The following LGR5 variants were observed in gnomAD, a reference collection of about 807,000 sequenced individuals.
The protein encoded by LGR5 is leucine-rich repeat-containing G protein-coupled receptor 5.
LGR5 carries 54 observed loss-of-function variants against 76.7 expected under a neutral mutation model. That is an observed-to-expected ratio of 0.70 (90% CI 0.57 to 0.88). The LOEUF is 0.88. Ranked by LOEUF, LGR5 falls within the 40% of genes least tolerant of loss-of-function variation. The probability of loss-of-function intolerance (pLI) is 0.00; values close to 1 mark genes in which losing one functional copy is unlikely to be tolerated. For synonymous variants in LGR5, 406 were observed against 421.9 expected, an observed-to-expected ratio of 0.96 and a Z score of 0.46; for missense variants, 1,078 against 1,073.3, an observed-to-expected ratio of 1.00 and a Z score of -0.06.
At chr12:71,542,499 G>C (rs1280617344) in intron 4 of LGR5, among the ~76,000 whole-genome samples, 1 of 152,130 alleles carries the variant, frequency 6.6e-6, no homozygotes, top group African/African-American at 2.4e-5. Flanking sequence ...GCAGGTGGGG[G>C]TACTCAGATC....
intron 1 of LGR5, among the ~76,000 whole-genome samples, chr12:71,486,696 G>C (rs1851352357): frequency 6.6e-6 from 1 of 152,184 alleles, no homozygotes; most frequent in East Asian, 1.9e-4. Flanking sequence ...TTATTTTGGA[G>C]TGCCACTGAG....
At chr12:71,469,510 G>A (rs147105860) in intron 1 of LGR5, among the ~76,000 whole-genome samples, 1 of 152,350 alleles carries the variant, frequency 6.6e-6, no homozygotes, top group Non-Finnish European at 1.5e-5. Context: ...AGCACGCTCT[G>A]GCCTTGTTTG....
chr12:71,462,225 C>T (rs1326118123), intron 1 of LGR5, among the ~76,000 whole-genome samples: 1 of 152,152 alleles, frequency 6.6e-6, no homozygotes, highest in African/African-American at 2.4e-5. Flanking sequence ...CACCTCAAGT[C>T]ATACCCAGCT....
At position 71,572,858 on chromosome 12, in the gene LGR5, G is replaced by C; in HGVS notation, c.1145G>C (p.Arg382Thr). Reference protein sequence around the residue: ...VCQKLQKIDLRHNEIYEIKVD... With the variant: ...VCQKLQKIDLTHNEIYEIKVD... ...GAACCCTGTCATTTCAGTGACCTAAGACATAATGAAATCTACGAAATTAAA... is the reference window on the plus strand; with the variant it reads ...GAACCCTGTCATTTCAGTGACCTAACACATAATGAAATCTACGAAATTAAA... Residue 382 changes from arginine (R) to threonine (T), a missense_variant, in exon 13 of 18, where the codon AGA becomes ACA. Arg to Thr is a moderately conservative substitution (Grantham distance 71). Transcript: ENST00000266674. 6.2e-7 allele frequency: 1 copy of C among 1,613,216 alleles called. No homozygotes were observed. Among genetic ancestry groups the C allele is most frequent in the Non-Finnish European group, 8.5e-7 (1 of 1,179,264 alleles).
At chr12:71,558,196 C>T (rs774648120) in intron 6 of LGR5, among the ~76,000 whole-genome samples, 12 of 152,194 alleles carry the variant, frequency 7.9e-5, no homozygotes, top group Non-Finnish European at 1.6e-4. Flanking sequence ...ATCTACAAAA[C>T]GCTGGGCTCA....
intron 1 of LGR5, among the ~76,000 whole-genome samples, chr12:71,445,852 T>C (rs1184375659): frequency 6.6e-6 from 1 of 152,230 alleles, no homozygotes; most frequent in Non-Finnish European, 1.5e-5. Context: ...TATCCTCATG[T>C]ATTACTTCTC....
In LGR5 at chr12:71,585,692, C is replaced by T. The variant is rs1879290758; in HGVS notation, c.*958C>T. The T allele has an allele frequency of 6.6e-6, 1 of 152,224 alleles. No homozygotes were observed. The highest frequency in any genetic ancestry group is 1.5e-5 in the Non-Finnish European group (1 of 68,040). The allele number at this position is 152,224 out of a possible 1,614,324, so 9.4% of individuals were successfully genotyped here. On this transcript the variant is annotated 3_prime_UTR_variant, in exon 18 of 18. Transcript: ENST00000266674. ...TAAATTAAGTCCACTGATACAACTT[C>T]TTACACATGTATCTCTAGTAGCTCT...
At chr12:71,578,060 T>G in intron 14 of LGR5, 64 bp downstream of exon 14, 1 of 1,309,142 alleles carries the variant, frequency 7.6e-7, no homozygotes, top group Non-Finnish European at 1.1e-6. Flanking sequence ...TAGTTAATTT[T>G]AAAAGTTGGT....
rs555788448 is a variant in LGR5, at chr12:71,578,729, GGTT to G, written c.1281-68_1281-66del. On this transcript the variant is annotated intron_variant, in intron 14 of 17. Transcript: ENST00000266674. ...TTATTGAGTAGTTTAACGATCTTTA[GGTT>G]GTTGTTTTTTTTAACATAAACGTTT... is the stretch of plus-strand genomic sequence containing the variant. 7.7e-4 allele frequency: 1,091 copies of G among 1,412,776 alleles called. 11 individuals are homozygous for G. In the East Asian group the frequency reaches 0.02, roughly 27 times the overall value. 87.5% of individuals were successfully genotyped at this position (1,412,776 alleles called of 1,614,324 possible). A position where few individuals can be genotyped will look rare whatever the true frequency, so the allele number is the denominator to read the frequency against.
chr12:71,493,745 G>T (rs1421270419), intron 1 of LGR5, among the ~76,000 whole-genome samples: 1 of 145,638 alleles, frequency 6.9e-6, no homozygotes, highest in Non-Finnish European at 1.5e-5. Flanking sequence ...CTTTTCAGTT[G>T]TCTTATTTGA....
At chr12:71,509,869 G>A (rs981158779) in intron 2 of LGR5, among the ~76,000 whole-genome samples, 2 of 152,150 alleles carry the variant, frequency 1.3e-5, no homozygotes, top group African/African-American at 4.8e-5. Context: ...CCCTGGAACC[G>A]TTTGCTCATA....
chr12:71,531,621 A>T (rs1305496219), intron 3 of LGR5, among the ~76,000 whole-genome samples: 1 of 152,202 alleles, frequency 6.6e-6, no homozygotes, highest in Non-Finnish European at 1.5e-5. Flanking sequence ...TAATCCCAGC[A>T]CTTTGGAAGG....
intron 3 of LGR5, among the ~76,000 whole-genome samples, chr12:71,526,372 T>C (rs1213620823): frequency 1.3e-5 from 2 of 152,172 alleles, no homozygotes; most frequent in Admixed American, 1.3e-4. Flanking sequence ...TGGATTAATA[T>C]GATTCAAAAA....
chr12:71,453,245 G>T (rs1307476529), intron 1 of LGR5, among the ~76,000 whole-genome samples: 1 of 152,152 alleles, frequency 6.6e-6, no homozygotes, highest in Non-Finnish European at 1.5e-5. Flanking sequence ...GTATCAAATA[G>T]ACAAAAGATT....
chr12:71,496,839 T>C (rs1261696465), intron 1 of LGR5, among the ~76,000 whole-genome samples: 2 of 152,190 alleles, frequency 1.3e-5, no homozygotes, highest in Non-Finnish European at 2.9e-5. Context: ...AAAATGTCTA[T>C]AAATGATTTC....
chr12:71,503,602 A>C (rs1874710373), intron 1 of LGR5, among the ~76,000 whole-genome samples: 1 of 152,208 alleles, frequency 6.6e-6, no homozygotes, highest in African/African-American at 2.4e-5. Context: ...GGTGCAATGG[A>C]TGTGTCCACT....
intron 11 of LGR5, among the ~76,000 whole-genome samples, chr12:71,570,648 G>A (rs1312664035): frequency 6.6e-6 from 1 of 152,128 alleles, no homozygotes; most frequent in African/African-American, 2.4e-5. Flanking sequence ...GGATTTACAA[G>A]CAGCTTCATT....
At chr12:71,566,800 T>A in intron 10 of LGR5, 41 bp from the exon 11 acceptor site, 1 of 1,590,044 alleles carries the variant, frequency 6.3e-7, no homozygotes, top group Non-Finnish European at 8.6e-7. Context: ...CACTGTGTGA[T>A]GCCTGAATGA....
chr12:71,559,072 A>T (rs747088294), intron 6 of LGR5, among the ~76,000 whole-genome samples: 1 of 152,210 alleles, frequency 6.6e-6, no homozygotes, highest in East Asian at 1.9e-4. Flanking sequence ...AGCAAGGTTC[A>T]TCCTGGACTT....
Sources: allele counts gnomAD v4.1 joint callset (sites outside exome capture counted in the v4.1 genomes callset), GRCh38; gene constraint gnomAD v4.1.1; transcripts MANE v1.5; gene names NCBI Gene and HGNC (gene_info 2026-07-23, HGNC 2026-07-21).